PTPRN2: variants seen among roughly 807,000 people sequenced by gnomAD.
The protein encoded by PTPRN2 is receptor-type tyrosine-protein phosphatase N2.
In PTPRN2, 74 loss-of-function variants were observed where a neutral mutation model predicts 118.8. That is an observed-to-expected ratio of 0.62 (90% CI 0.52 to 0.76). The LOEUF is 0.76. Among genes scored for constraint, PTPRN2 ranks in the 30% least tolerant of loss-of-function variants. The pLI is 0.00. For synonymous variants in PTPRN2, 641 were observed against 608.0 expected (o/e 1.05, Z -0.80); for missense variants, 1,481 against 1,394.4 (o/e 1.06, Z -0.99).
At position 158,574,574 on chromosome 7, in the gene PTPRN2, C is replaced by T. The variant is rs1375955806; in HGVS notation, c.112+12984G>A. Among the ~76,000 whole-genome samples the T allele has an allele frequency of 6.6e-6, 1 of 152,166 alleles. No individual in the cohort carries two copies. Among genetic ancestry groups the T allele is most frequent in the Non-Finnish European group, 1.5e-5 (1 of 68,032 alleles). On this transcript the variant is annotated intron_variant, in intron 1 of 22. Coordinates refer to ENST00000389418, the MANE Select transcript of PTPRN2 (RefSeq NM_002847.5). This position sits in a 1 kb window ranked among gnomAD's most constrained non-coding sequence, Gnocchi z 4.6. ...CCCTGTCCAGGGCTTGGGCTTCCTT[C>T]CTAAGGTTAGATGTGGGGCAGCTCT...
At chr7:157,576,109 G>A (rs1694168343) in intron 19 of PTPRN2, among the ~76,000 whole-genome samples, 1 of 152,094 alleles carries the variant, frequency 6.6e-6, no homozygotes, top group African/African-American at 2.4e-5. Context: ...CTGGAGCAAT[G>A]AACAAAAAAC....
rs1034383211 is a variant in PTPRN2, at chr7:158,216,579, A to T, written c.278-11306T>A. 5.9e-5 allele frequency among the ~76,000 whole-genome samples: 9 copies of T among 152,162 alleles called. 1 individual carries two copies. Among genetic ancestry groups the T allele is most frequent in the Non-Finnish European group, 1.2e-4 (8 of 68,014 alleles). ...AGCAATAGCTATATTAATATCAGATAAGTTAACATTTAGAGTAAAGAAAAT... is the reference window on the plus strand; with the variant it reads ...AGCAATAGCTATATTAATATCAGATTAGTTAACATTTAGAGTAAAGAAAAT... On this transcript the variant is annotated intron_variant, in intron 3 of 22. Transcript: ENST00000389418.
chr7:157,926,851 C>T (rs1021701073), intron 11 of PTPRN2, among the ~76,000 whole-genome samples: 3 of 152,286 alleles, frequency 2.0e-5, no homozygotes, highest in Admixed American at 6.5e-5. Context: ...TGCATCTGGA[C>T]GTGTGGCTGC....
intron 2 of PTPRN2, among the ~76,000 whole-genome samples, chr7:158,448,507 G>A (rs1817881023): frequency 6.6e-6 from 1 of 151,976 alleles, no homozygotes; most frequent in African/African-American, 2.4e-5. Context: ...GGGTGGGGAG[G>A]GGGTCCCCTC....
At chr7:158,168,730 AT>A (rs1444828701) in intron 5 of PTPRN2, among the ~76,000 whole-genome samples, 2 of 151,964 alleles carry the variant, frequency 1.3e-5, no homozygotes, top group Non-Finnish European at 2.9e-5. Flanking sequence ...TTCTGTCTAT[AT>A]TTTCTCCTCA....
chr7:158,036,117 A>G (rs1001137616), intron 11 of PTPRN2, among the ~76,000 whole-genome samples: 3 of 152,262 alleles, frequency 2.0e-5, no homozygotes, highest in Non-Finnish European at 4.4e-5. Context: ...GAAAGATGCA[A>G]AATAAATAAC....
At chr7:157,557,036 T>C in intron 21 of PTPRN2, among the ~76,000 whole-genome samples, 1 of 131,354 alleles carries the variant, frequency 7.6e-6, no homozygotes, top group Non-Finnish European at 1.6e-5. Context: ...CATGCACACA[T>C]CCACACAAGA....
rs1808705367 is a variant in PTPRN2, at chr7:157,845,113, T to C, written c.1788+53560A>G. Among the ~76,000 whole-genome samples, 1 of 152,144 alleles carries C rather than the reference T, an allele frequency of 6.6e-6. No individual in the cohort carries two copies. The highest frequency in any genetic ancestry group is 2.4e-5 in the African/African-American group (1 of 41,422). On this transcript the variant is annotated intron_variant, in intron 12 of 22. Coordinates refer to ENST00000389418, the MANE Select transcript of PTPRN2 (RefSeq NM_002847.5). This position sits in a 1 kb window ranked among gnomAD's most constrained non-coding sequence, Gnocchi z 4.5. Reference sequence around the variant, plus strand: ...AGGTCACAGGGACGCAGCCCTGACCTCACGTTGGTCCACGACGGGCAGAGA... The same window carrying C: ...AGGTCACAGGGACGCAGCCCTGACCCCACGTTGGTCCACGACGGGCAGAGA...
Position 157,780,853 on chromosome 7 carries a change from C to T in PTPRN2, c.1789-97916G>A, listed in dbSNP as rs113348627. 2.2e-4 allele frequency among the ~76,000 whole-genome samples: 34 copies of T among 152,326 alleles called. 1 individual carries two copies. Among genetic ancestry groups the T allele is most frequent in the African/African-American group, 7.9e-4 (33 of 41,584 alleles). On this transcript the variant is annotated intron_variant, in intron 12 of 22. Transcript: ENST00000389418. The surrounding 1 kb of genome is among the most constrained non-coding windows in gnomAD (Gnocchi z 4.5). ...GCCCCGCGGGTCCCCACAGATCAAT[C>T]AGGACAGAATACTCACTAACCAAAG... is the stretch of plus-strand genomic sequence containing the variant.
Position 157,811,297 on chromosome 7 carries a change from C to CA in PTPRN2, c.1788+87375dup, listed in dbSNP as rs568811949. On this transcript the variant is annotated intron_variant, in intron 12 of 22. Coordinates refer to ENST00000389418, the MANE Select transcript of PTPRN2 (RefSeq NM_002847.5). ...AAAAAAAAAACCCAAAAAAATAAAA[C>CA]AAAAAAAACTCATGGATTTTTGTAA... Among the ~76,000 whole-genome samples, 336 of 139,126 alleles carry CA rather than the reference C, an allele frequency of 2.4e-3. 5 individuals are homozygous for CA. The highest frequency in any genetic ancestry group is 7.4e-3 in the African/African-American group (279 of 37,598). 91.3% of individuals were successfully genotyped at this position (139,126 alleles called of 152,430 possible). A position where few individuals can be genotyped will look rare whatever the true frequency, so the allele number is the denominator to read the frequency against.
chr7:158,465,187 A>G (rs80078375), intron 2 of PTPRN2, among the ~76,000 whole-genome samples: 1 of 152,150 alleles, frequency 6.6e-6, no homozygotes, highest in African/African-American at 2.4e-5. Flanking sequence ...CATCTTGCAG[A>G]GTTTGTGCGA....
intron 12 of PTPRN2, among the ~76,000 whole-genome samples, chr7:157,827,886 TTTTG>T (rs1270978895): frequency 1.3e-5 from 2 of 152,172 alleles, no homozygotes; most frequent in African/African-American, 4.8e-5. Flanking sequence ...CACGTTCTGA[TTTTG>T]TTTTTTTTTG....
intron 10 of PTPRN2, among the ~76,000 whole-genome samples, chr7:158,109,150 T>C (rs1283271615): frequency 6.8e-6 from 1 of 148,070 alleles, no homozygotes; most frequent in Non-Finnish European, 1.5e-5. Flanking sequence ...AGTGAGTGAA[T>C]GACATCACCC....
intron 2 of PTPRN2, among the ~76,000 whole-genome samples, chr7:158,471,649 C>A (rs1819859749): frequency 1.3e-5 from 2 of 152,032 alleles, no homozygotes; most frequent in East Asian, 3.9e-4. Flanking sequence ...GATTGCGCCA[C>A]TGCACTCCAG....
intron 10 of PTPRN2, among the ~76,000 whole-genome samples, chr7:158,094,859 C>A (rs1020869060): frequency 1.6e-4 from 25 of 152,176 alleles, no homozygotes. Flanking sequence ...CCCACCATCC[C>A]TCAGGGTCTC....
At chr7:158,124,647 C>A (rs1050248130) in intron 9 of PTPRN2, among the ~76,000 whole-genome samples, 1 of 152,180 alleles carries the variant, frequency 6.6e-6, no homozygotes, top group African/African-American at 2.4e-5. Flanking sequence ...GGGGAGAAGA[C>A]GTGAACAGGA....
intron 12 of PTPRN2, among the ~76,000 whole-genome samples, chr7:157,849,829 C>T (rs1165972619): frequency 2.6e-5 from 4 of 152,126 alleles, no homozygotes; most frequent in African/African-American, 9.7e-5. Context: ...GGAGGCCAAA[C>T]GTGTTATTTT....
At chr7:157,657,600 A>G in intron 13 of PTPRN2, among the ~76,000 whole-genome samples, 1 of 120,754 alleles carries the variant, frequency 8.3e-6, no homozygotes, top group African/African-American at 3.0e-5. Flanking sequence ...CACCACACAC[A>G]CACCACACAC....
intron 3 of PTPRN2, among the ~76,000 whole-genome samples, chr7:158,306,663 C>T (rs971285238): frequency 3.9e-5 from 6 of 152,280 alleles, no homozygotes; most frequent in Non-Finnish European, 8.8e-5. Flanking sequence ...ACAACAACAA[C>T]ACCTAAGGAG....
Sources: gnomAD v4.1 joint callset for allele counts (sites outside exome capture counted in the v4.1 genomes callset) on GRCh38, gnomAD v4.1.1 for gene constraint, Gnocchi (gnomAD v3.1) non-coding constraint, MANE v1.5 for transcripts, NCBI Gene and HGNC (gene_info 2026-07-23, HGNC 2026-07-21) for gene names.